Variants in KCNC2 observed in about 807,000 individuals in gnomAD.
The protein encoded by KCNC2 is potassium voltage-gated channel subfamily C member 2.
In KCNC2, 21 loss-of-function variants were observed where a neutral mutation model predicts 44.5. The ratio of observed to expected loss-of-function variants is 0.47; its 90% CI spans 0.33 to 0.68. The LOEUF (loss-of-function observed/expected upper bound fraction) is 0.68. Among genes scored for constraint, KCNC2 ranks in the 30% least tolerant of loss-of-function variants. The probability of loss-of-function intolerance (pLI) is 0.01; values close to 1 mark genes in which losing one functional copy is unlikely to be tolerated. For missense variants in KCNC2, 589 were observed against 826.2 expected, an observed-to-expected ratio of 0.71 and a Z score of 3.52; for synonymous variants, 391 against 339.1, an observed-to-expected ratio of 1.15 and a Z score of -1.68.
At chr12:75,045,937 T>C (rs539892458) in intron 4 of KCNC2, among the ~76,000 whole-genome samples, 48 of 151,734 alleles carry the variant, frequency 3.2e-4, no homozygotes, top group Non-Finnish European at 6.1e-4. Flanking sequence ...ACTTGAGGGA[T>C]AAATAAATGA....
intron 2 of KCNC2, among the ~76,000 whole-genome samples, chr12:75,160,827 A>G (rs1285538562): frequency 1.3e-5 from 2 of 151,828 alleles, no homozygotes; most frequent in African/African-American, 4.8e-5. Flanking sequence ...AGCTTCACAT[A>G]TAATATGTAT....
chr12:75,060,453 T>C (rs1039517134), intron 2 of KCNC2, among the ~76,000 whole-genome samples: 3 of 151,988 alleles, frequency 2.0e-5, no homozygotes, highest in African/African-American at 7.2e-5. Flanking sequence ...TAATATGGAA[T>C]GTTCTTTTAA....
chr12:75,173,602 G>T (rs951268517), intron 2 of KCNC2, among the ~76,000 whole-genome samples: 4 of 151,770 alleles, frequency 2.6e-5, no homozygotes, highest in African/African-American at 9.7e-5. Flanking sequence ...GCCAATGATT[G>T]CCATCTTTAT....
At position 75,077,551 on chromosome 12, in the gene KCNC2, T is replaced by C. The variant is rs575396842; in HGVS notation, c.688-26234A>G. The stretch of plus-strand genomic sequence containing the variant: ...TTGGCATTACTCATTTTTAATTATT[T>C]ATTTGGTCCAGGATAACTTGAAAGG... On this transcript the variant is annotated intron_variant, in intron 2 of 4. Coordinates refer to ENST00000549446, the MANE Select transcript of KCNC2 (RefSeq NM_139137.4). Among the ~76,000 whole-genome samples the C allele has an allele frequency of 2.0e-5, 3 of 152,328 alleles. No individual in the cohort carries two copies. The South Asian group carries it at 6.2e-4, about 32-fold the overall frequency.
At chr12:75,198,757 A>G (rs557248480) in intron 2 of KCNC2, among the ~76,000 whole-genome samples, 2 of 151,812 alleles carry the variant, frequency 1.3e-5, no homozygotes, top group Non-Finnish European at 3.0e-5. Flanking sequence ...CAAGAACCCC[A>G]TATCTGAATT....
rs199906410 is a variant in KCNC2 at position 75,041,241 on chromosome 12, T to G, written c.*1864A>C. ...ATAACAGCAGCACCAGACAGCATAT[T>G]AATTCTTTTACCATAAATTTGTGTG... is the stretch of plus-strand genomic sequence containing the variant. On this transcript the variant is annotated 3_prime_UTR_variant, in exon 5 of 5. Coordinates refer to ENST00000549446, the MANE Select transcript of KCNC2 (RefSeq NM_139137.4). 7.5e-6 allele frequency: 12 copies of G among 1,591,690 alleles called. No individual in the cohort carries two copies. Among genetic ancestry groups the G allele is most frequent in the Non-Finnish European group, 9.4e-6 (11 of 1,175,682 alleles).
At chr12:75,113,598 A>ATG (rs1887420310) in intron 2 of KCNC2, among the ~76,000 whole-genome samples, 1 of 152,124 alleles carries the variant, frequency 6.6e-6, no homozygotes, top group Non-Finnish European at 1.5e-5. Flanking sequence ...CCTCCATACC[A>ATG]ACACCTCCAA....
chr12:75,144,946 A>C (rs540558255), intron 2 of KCNC2, among the ~76,000 whole-genome samples: 1 of 152,046 alleles, frequency 6.6e-6, no homozygotes, highest in South Asian at 2.1e-4. Flanking sequence ...TGGATGAGAG[A>C]GTAAAAAAAA....
chr12:75,153,736 A>G (rs2137480403), intron 2 of KCNC2, among the ~76,000 whole-genome samples: 1 of 152,104 alleles, frequency 6.6e-6, no homozygotes, highest in East Asian at 1.9e-4. Context: ...TATATACTGT[A>G]TCCTTACAAT....
intron 2 of KCNC2, among the ~76,000 whole-genome samples, chr12:75,098,003 G>C (rs1399167855): frequency 6.6e-6 from 1 of 151,874 alleles, no homozygotes; most frequent in Non-Finnish European, 1.5e-5. Context: ...TGAGAACTCT[G>C]TAATAAAGCT....
At chr12:75,174,618 A>C (rs986152791) in intron 2 of KCNC2, among the ~76,000 whole-genome samples, 1 of 151,880 alleles carries the variant, frequency 6.6e-6, no homozygotes, top group Non-Finnish European at 1.5e-5. Flanking sequence ...TTCAGATATC[A>C]AAGTGGTCAT....
rs1463811666 is a variant in KCNC2 at position 75,207,435 on chromosome 12, CTCG to C, written c.546_548del (p.Asp182del). On this transcript the variant is annotated inframe_deletion, in exon 2 of 5. Coordinates refer to ENST00000549446, the MANE Select transcript of KCNC2 (RefSeq NM_139137.4). The surrounding 1 kb of genome is among the most constrained non-coding windows in gnomAD (Gnocchi z 4.1). Reference sequence around the variant, plus strand: ...TGCCCAGCCTCTTGGCCGCCAGGTCCTCGTCGTCGCCGGGGTCGCCGCCAATGA... The same window carrying C: ...TGCCCAGCCTCTTGGCCGCCAGGTCCTCGTCGCCGGGGTCGCCGCCAATGA... 6.2e-7 allele frequency: 1 copy of C among 1,607,928 alleles called. No homozygotes were observed. The highest frequency in any genetic ancestry group is 8.5e-7 in the Non-Finnish European group (1 of 1,177,510).
chr12:75,197,486 CA>C (rs1351693773), intron 2 of KCNC2, among the ~76,000 whole-genome samples: 2 of 152,020 alleles, frequency 1.3e-5, no homozygotes, highest in Non-Finnish European at 2.9e-5. Context: ...TGTGGGTCTA[CA>C]CTATATCAAT....
chr12:75,133,459 A>C (rs1889000898), intron 2 of KCNC2, among the ~76,000 whole-genome samples: 2 of 151,902 alleles, frequency 1.3e-5, no homozygotes, highest in African/African-American at 2.4e-5. Flanking sequence ...TGAAAAAAAA[A>C]ACAATTAGCT....
chr12:75,168,920 T>C (rs780368806), intron 2 of KCNC2, among the ~76,000 whole-genome samples: 8 of 151,662 alleles, frequency 5.3e-5, no homozygotes, highest in African/African-American at 1.9e-4. Context: ...TATGATTATT[T>C]ACACAATTTT....
chr12:75,124,998 C>A (rs938565398), intron 2 of KCNC2: 2 of 151,858 alleles, frequency 1.3e-5, no homozygotes, highest in Admixed American at 6.6e-5. Context: ...CCTAGCTATG[C>A]GGGAGGCTGA....
intron 2 of KCNC2, among the ~76,000 whole-genome samples, chr12:75,077,878 G>A (rs1307178442): frequency 6.6e-6 from 1 of 151,842 alleles, no homozygotes; most frequent in Non-Finnish European, 1.5e-5. Context: ...GAAACACATG[G>A]TATACAGGCA....
intron 2 of KCNC2, among the ~76,000 whole-genome samples, chr12:75,203,739 T>G (rs2031476974): frequency 6.6e-6 from 1 of 151,894 alleles, no homozygotes; most frequent in East Asian, 1.9e-4. Context: ...TCCCCTACCC[T>G]ATAAAAAATA....
chr12:75,123,877 A>G (rs1888213911), intron 2 of KCNC2: 1 of 152,224 alleles, frequency 6.6e-6, no homozygotes, highest in African/African-American at 2.4e-5. Context: ...TCAAAAGCCA[A>G]AATTGAATAC....
Sources: allele counts gnomAD v4.1 joint callset (sites outside exome capture counted in the v4.1 genomes callset), GRCh38; gene constraint gnomAD v4.1.1; non-coding constraint Gnocchi (gnomAD v3.1); transcripts MANE v1.5; gene names NCBI Gene and HGNC (gene_info 2026-07-23, HGNC 2026-07-21).